Variants in MYH1 observed in about 807,000 individuals in gnomAD.
MYH1 encodes myosin heavy chain 1, also known as myosin-1.
Under a neutral mutation model 225.6 loss-of-function variants are expected in MYH1, and 214 were observed. That is an observed-to-expected ratio of 0.95 (90% CI 0.85 to 1.06). The LOEUF is 1.06. Among genes scored for constraint, MYH1 ranks in the 50% least tolerant of loss-of-function variants. The probability of loss-of-function intolerance (pLI) is 0.00; values close to 1 mark genes in which losing one functional copy is unlikely to be tolerated. For synonymous variants in MYH1, 774 were observed against 842.3 expected, an observed-to-expected ratio of 0.92 and a Z score of 1.40; for missense variants, 2,098 against 2,344.2, an observed-to-expected ratio of 0.89 and a Z score of 2.17.
In MYH1 at chr17:10,503,063, A is replaced by T. The variant is rs1224810274; in HGVS notation, c.2877T>A (p.Asp959Glu). 1 of 1,613,296 alleles carries T rather than the reference A, an allele frequency of 6.2e-7. No homozygotes were observed. The highest frequency in any genetic ancestry group is 1.7e-5 in the Admixed American group (1 of 60,002). The change falls in exon 23 of 40, where the codon GAT (aspartate) becomes GAA (glutamate). Residue 959 changes from aspartate to glutamate, a missense_variant. Coordinates refer to ENST00000226207, the MANE Select transcript of MYH1 (RefSeq NM_005963.4). Reference protein sequence around the residue: ...DECSELKKDIDDLELTLAKVE... With the variant: ...DECSELKKDIEDLELTLAKVE... ...CCTTGGCCAGTGTCAGCTCAAGGTCATCAATGTCTTTCTTGAGTTCTGAAC... is the reference window on the plus strand; with the variant it reads ...CCTTGGCCAGTGTCAGCTCAAGGTCTTCAATGTCTTTCTTGAGTTCTGAAC...
At chr17:10,503,681 T>A (rs2073079957) in intron 22 of MYH1, among the ~76,000 whole-genome samples, 1 of 152,130 alleles carries the variant, frequency 6.6e-6, no homozygotes, top group Non-Finnish European at 1.5e-5. Context: ...GAATGGAACA[T>A]GTTCAAGGTG....
chr17:10,509,774 A>G (rs1227711212), intron 14 of MYH1, 119 bp from the exon 15 acceptor site: 2 of 1,539,982 alleles, frequency 1.3e-6, no homozygotes, highest in East Asian at 2.3e-5. Context: ...TGTCCTACCT[A>G]TACCTACACA....
At chr17:10,495,132 A>C in intron 36 of MYH1, 31 bp from the exon 37 acceptor site, 4 of 1,614,190 alleles carry the variant, frequency 2.5e-6, no homozygotes, top group Non-Finnish European at 3.4e-6. Flanking sequence ...ATGGGTTAAG[A>C]CAGCTAAGAC....
intron 10 of MYH1, 41 bp downstream of exon 10, chr17:10,512,826 T>C (rs758451757): frequency 3.7e-6 from 6 of 1,607,610 alleles, no homozygotes; most frequent in Non-Finnish European, 5.1e-6. Flanking sequence ...CATTAGAAGA[T>C]AGTACAGTGA....
intron 5 of MYH1, among the ~76,000 whole-genome samples, chr17:10,515,421 T>C (rs2073215491): frequency 1.3e-5 from 2 of 152,202 alleles, no homozygotes; most frequent in Non-Finnish European, 2.9e-5. Context: ...TGTTTATATG[T>C]GTGTAGCCCC....
intron 7 of MYH1, 41 bp downstream of exon 7, chr17:10,513,969 G>A (rs759967246): frequency 1.9e-6 from 3 of 1,613,864 alleles, no homozygotes; most frequent in East Asian, 2.2e-5. Flanking sequence ...CTACCTGAGA[G>A]TCCCGACAGA....
At chr17:10,503,321 A>G in intron 22 of MYH1, 73 bp from the exon 23 acceptor site, 1 of 1,565,758 alleles carries the variant, frequency 6.4e-7, no homozygotes, top group South Asian at 1.2e-5. Context: ...TAATATTTTG[A>G]AACCAAACAA....
intron 16 of MYH1, 69 bp downstream of exon 16, chr17:10,508,294 C>G (rs935889800): frequency 6.7e-7 from 1 of 1,500,260 alleles, no homozygotes; most frequent in Non-Finnish European, 8.9e-7. Context: ...GCTGGGATTA[C>G]AGGCACCGTG....
chr17:10,507,756 C>T, intron 17 of MYH1, 130 bp downstream of exon 17: 1 of 761,986 alleles, frequency 1.3e-6, no homozygotes, highest in African/African-American at 1.7e-5. Context: ...TCAGTCTTAC[C>T]ACTACCAGCT....
Position 10,500,653 on chromosome 17 carries a change from G to A in MYH1, c.3838C>T (p.Gln1280Ter). The A allele has an allele frequency of 1.2e-6, 2 of 1,613,840 alleles. No individual in the cohort carries two copies. The change falls in exon 28 of 40, where the codon CAG (glutamine) becomes TAG (stop). Residue 1280 changes from glutamine to a stop codon, truncating the protein, a stop_gained. Coordinates refer to ENST00000226207, the MANE Select transcript of MYH1 (RefSeq NM_005963.4). LOFTEE classifies it high-confidence loss of function. Reference sequence around the variant, plus strand: ...GATTCTGTTTGCAGGCGCGCTCTCTGTGCTGTGAGGTCATTGATCAGCCGC... The same window carrying A: ...GATTCTGTTTGCAGGCGCGCTCTCTATGCTGTGAGGTCATTGATCAGCCGC... ...QQRLINDLTAQRARLQTESGE... is the reference protein window; with the variant it reads ...QQRLINDLTA
Position 10,498,741 on chromosome 17 carries a change from C to A in MYH1, c.4066G>T (p.Glu1356Ter). ...GCTCTCTGTAGCTCGGCCTTGGCTT[C>A]CTGCTCCTCCTCATACTGTTCCCGC... ...LLREQYEEEQ[E>*]AKAELQRAMS... is the part of the protein sequence containing the mutation. Residue 1356 changes from glutamate to a stop codon, truncating the protein, a stop_gained, in exon 30 of 40, where the codon GAA (glutamate) becomes TAA (stop). Coordinates refer to ENST00000226207, the MANE Select transcript of MYH1 (RefSeq NM_005963.4). LOFTEE classifies it high-confidence loss of function. 1 of 1,614,196 alleles carries A rather than the reference C, an allele frequency of 6.2e-7. No homozygotes were observed. Among genetic ancestry groups the A allele is most frequent in the Non-Finnish European group, 8.5e-7 (1 of 1,180,008 alleles).
chr17:10,502,279 T>G (rs1336698926), intron 24 of MYH1, among the ~76,000 whole-genome samples: 5 of 152,230 alleles, frequency 3.3e-5, no homozygotes, highest in African/African-American at 1.2e-4. Context: ...AGATATCAGA[T>G]CATGTTTAAA....
intron 24 of MYH1, among the ~76,000 whole-genome samples, chr17:10,502,191 G>A (rs757050246): frequency 6.6e-6 from 1 of 152,192 alleles, no homozygotes; most frequent in Middle Eastern, 3.2e-3. Flanking sequence ...AGCTGGGATG[G>A]ACACCATGCT....
rs1200743630 is a variant in MYH1, at chr17:10,516,495, C to T, written c.148G>A (p.Ala50Thr). ...CCCCCTTCCCTGCTCTGCACTGTTG[C>T]TTTCACAAAGGACTCCTTAGGGTCC... ...VVDPKESFVK[A>T]TVQSREGGKV... is the part of the protein sequence containing the mutation. The change falls in exon 3 of 40, where the codon GCA (alanine) becomes ACA (threonine). Residue 50 changes from alanine to threonine, a missense_variant. Ala to Thr is a moderately conservative substitution (Grantham distance 58). Coordinates refer to ENST00000226207, the MANE Select transcript of MYH1 (RefSeq NM_005963.4). 1.2e-6 allele frequency: 2 copies of T among 1,614,210 alleles called. No homozygotes were observed. Among genetic ancestry groups the T allele is most frequent in the Non-Finnish European group, 8.5e-7 (1 of 1,180,044 alleles).
At chr17:10,506,870 G>A (rs2073117926) in intron 17 of MYH1, among the ~76,000 whole-genome samples, 1 of 152,134 alleles carries the variant, frequency 6.6e-6, no homozygotes, top group Non-Finnish European at 1.5e-5. Flanking sequence ...CATAGATATA[G>A]AGCTGTGTCC....
chr17:10,502,306 A>G (rs2073066856), intron 24 of MYH1, among the ~76,000 whole-genome samples: 1 of 152,192 alleles, frequency 6.6e-6, no homozygotes, highest in African/African-American at 2.4e-5. Context: ...TTTATCTTCC[A>G]CATTCCTAAT....
chr17:10,496,991 C>T, intron 33 of MYH1, 78 bp downstream of exon 33: 1 of 1,545,210 alleles, frequency 6.5e-7, no homozygotes, highest in South Asian at 1.3e-5. Flanking sequence ...TTTCGTTTCT[C>T]TTGATTCACC....
rs760411492 is a variant in MYH1, at chr17:10,496,142, G to C, written c.4977C>G (p.Leu1659=). The change falls in exon 35 of 40, where the codon CTC becomes CTG. Residue 1659 remains leucine (L), a synonymous_variant. Coordinates refer to ENST00000226207, the MANE Select transcript of MYH1 (RefSeq NM_005963.4). ...GGCTCCGGAGAGCATCATCCAGGTG[G>C]AGCTGGGTATCCTGTGGAACAAACC... ...NTQAILKDTQ[L]HLDDALRSQE... is the part of the protein sequence containing the mutation. The C allele has an allele frequency of 6.2e-7, 1 of 1,614,150 alleles. No homozygotes were observed. The highest frequency in any genetic ancestry group is 1.1e-5 in the South Asian group (1 of 91,074).
chr17:10,492,352 A>G lies in MYH1; in HGVS notation c.*64T>C, dbSNP rs896004090. 71 of 1,584,864 alleles carry G rather than the reference A, an allele frequency of 4.5e-5. No homozygotes were observed. The highest frequency in any genetic ancestry group is 5.8e-5 in the Non-Finnish European group (68 of 1,165,034). On this transcript the variant is annotated 3_prime_UTR_variant, in exon 40 of 40. Coordinates refer to ENST00000226207, the MANE Select transcript of MYH1 (RefSeq NM_005963.4). The stretch of plus-strand genomic sequence containing the variant: ...TATCTCCAAAAGTCATAAGTACAAA[A>G]TGGAGTGACAAAGATTTTCACATTT...
Sources: allele counts gnomAD v4.1 joint callset (sites outside exome capture counted in the v4.1 genomes callset), GRCh38; gene constraint gnomAD v4.1.1; transcripts MANE v1.5; gene names NCBI Gene and HGNC (gene_info 2026-07-23, HGNC 2026-07-21).